Variants in CMYA5 observed in about 807,000 individuals in gnomAD.
The protein encoded by CMYA5 is cardiomyopathy associated 5.
In CMYA5, 246 loss-of-function variants were observed where a neutral mutation model predicts 318.9. The observed-to-expected ratio is 0.77, with a 90% CI of 0.70 to 0.86. The LOEUF (loss-of-function observed/expected upper bound fraction) is 0.86, where lower values mean the gene tolerates loss of function less well. Ranked by LOEUF, CMYA5 falls within the 40% of genes least tolerant of loss-of-function variation. The pLI is 0.00. For synonymous variants in CMYA5, 1,641 were observed against 1,729.5 expected (o/e 0.95, Z 1.27); for missense variants, 4,589 against 4,678.2 (o/e 0.98, Z 0.56).
chr5:79,738,794 A>G lies in CMYA5; in HGVS notation c.10029A>G (p.Glu3343=), dbSNP rs768811999. The G allele has an allele frequency of 1.9e-6, 3 of 1,613,944 alleles. No homozygotes were observed. The South Asian group carries it at 3.3e-5, about 18-fold the overall frequency. ...TQKISYAVPF[E]DTHHVLERAD... ...AAATAAGTTATGCGGTTCCATTTGA[A>G]GACACCCATCATGTTCTGGAGCGTG... Residue 3343 remains glutamate, a synonymous_variant, in exon 2 of 13, where the codon GAA becomes GAG. Transcript: ENST00000446378.
intron 1 of CMYA5, among the ~76,000 whole-genome samples, chr5:79,701,465 A>G (rs906492580): frequency 1.3e-5 from 2 of 152,170 alleles, no homozygotes; most frequent in Non-Finnish European, 2.9e-5. Context: ...GTACTGAGAA[A>G]ATATGTACAG....
At chr5:79,748,025 A>ATTT (rs1185275417) in intron 5 of CMYA5, among the ~76,000 whole-genome samples, 1 of 152,222 alleles carries the variant, frequency 6.6e-6, no homozygotes, top group African/African-American at 2.4e-5. Context: ...GATGAATCCT[A>ATTT]TTTACCTAAA....
chr5:79,790,497 C>T (rs1031975104), intron 10 of CMYA5, among the ~76,000 whole-genome samples: 1 of 152,138 alleles, frequency 6.6e-6, no homozygotes, highest in Non-Finnish European at 1.5e-5. Flanking sequence ...TCTCGAGCTC[C>T]TGACCTTGTG....
chr5:79,766,709 G>C (rs1049428792), intron 9 of CMYA5, among the ~76,000 whole-genome samples: 3 of 152,222 alleles, frequency 2.0e-5, no homozygotes, highest in South Asian at 2.1e-4. Context: ...TGGTTTACCA[G>C]TATTTTATTG....
chr5:79,692,199 C>T (rs1035749631), intron 1 of CMYA5, among the ~76,000 whole-genome samples: 13 of 152,046 alleles, frequency 8.6e-5, no homozygotes, highest in African/African-American at 2.9e-4. Flanking sequence ...TCCATCTCCC[C>T]ACCTCCACCA....
intron 1 of CMYA5, among the ~76,000 whole-genome samples, chr5:79,723,889 G>T (rs1336287618): frequency 6.6e-6 from 1 of 152,074 alleles, no homozygotes; most frequent in Non-Finnish European, 1.5e-5. Context: ...TTATATAAAA[G>T]TATAATGTAT....
chr5:79,794,379 C>T (rs996305970), intron 12 of CMYA5, among the ~76,000 whole-genome samples: 22 of 152,270 alleles, frequency 1.4e-4, no homozygotes, highest in Admixed American at 9.2e-4. Flanking sequence ...GTGAAAAAGC[C>T]GTTAGCCTGT....
chr5:79,711,336 C>T (rs1354417708), intron 1 of CMYA5, among the ~76,000 whole-genome samples: 2 of 152,158 alleles, frequency 1.3e-5, no homozygotes, highest in Admixed American at 1.3e-4. Context: ...TCAGAGGGAT[C>T]AGGCACCCCT....
At chr5:79,798,428 A>G (rs1204442291) in intron 12 of CMYA5, among the ~76,000 whole-genome samples, 1 of 152,106 alleles carries the variant, frequency 6.6e-6, no homozygotes, top group Non-Finnish European at 1.5e-5. Flanking sequence ...GACTACTGGG[A>G]GAAAACCCCA....
intron 1 of CMYA5, among the ~76,000 whole-genome samples, chr5:79,723,443 G>GAAAAAA (rs35720490): frequency 2.6e-4 from 32 of 121,242 alleles, no homozygotes; most frequent in Non-Finnish European, 3.6e-4. Flanking sequence ...CATCTCAAAG[G>GAAAAAA]AAAAAAAAAA....
At position 79,799,639 on chromosome 5, in the gene CMYA5, A is replaced by G; in HGVS notation, c.*23A>G. 1 of 1,593,328 alleles carries G rather than the reference A, an allele frequency of 6.3e-7. No homozygotes were observed. The highest frequency in any genetic ancestry group is 8.6e-7 in the Non-Finnish European group (1 of 1,166,228). On this transcript the variant is annotated 3_prime_UTR_variant, in exon 13 of 13. Transcript: ENST00000446378. ...TGATCCTTGGCTTTCAGAATTTGCA[A>G]GAACAGCGATTTGAATTTTGGGGGG...
In CMYA5 at chr5:79,763,171, G is replaced by A. The variant is rs1407670087; in HGVS notation, c.11517G>A (p.Glu3839=). ...AGGCCACGGAGACCTACACTCTGGA[G>A]TACTGCAGACAGCACTCTCCTGAGG... The part of the protein sequence containing the change: ...TPEATETYTL[E]YCRQHSPEGE... Residue 3839 remains glutamate (E), a synonymous_variant, in exon 9 of 13, where the codon GAG becomes GAA. Coordinates refer to ENST00000446378, the MANE Select transcript of CMYA5 (RefSeq NM_153610.5). 1 of 1,611,704 alleles carries A rather than the reference G, an allele frequency of 6.2e-7. No homozygotes were observed. Among genetic ancestry groups the A allele is most frequent in the Non-Finnish European group, 8.5e-7 (1 of 1,179,304 alleles).
rs572895857 is a variant in CMYA5 at position 79,744,995 on chromosome 5, A to G, written c.10735-227A>G. ...ATATATATTTTGTATTATGGTAGCT[A>G]AAACTTTCTTGATGATACTGTTACA... On this transcript the variant is annotated intron_variant, in intron 3 of 12. Transcript: ENST00000446378. Among the ~76,000 whole-genome samples, 5 of 152,328 alleles carry G rather than the reference A, an allele frequency of 3.3e-5. No individual in the cohort carries two copies. In the East Asian group the frequency reaches 9.6e-4, roughly 29 times the overall value.
chr5:79,760,909 G>T (rs1828638685), intron 7 of CMYA5, among the ~76,000 whole-genome samples: 1 of 152,198 alleles, frequency 6.6e-6, no homozygotes, highest in Admixed American at 6.5e-5. Flanking sequence ...TTGGAAAGGA[G>T]AGAGGCAATT....
chr5:79,708,079 C>T (rs1561629522), intron 1 of CMYA5, among the ~76,000 whole-genome samples: 1 of 152,318 alleles, frequency 6.6e-6, no homozygotes, highest in African/African-American at 2.4e-5. Flanking sequence ...AATACTATCA[C>T]ATTAGTGATT....
intron 1 of CMYA5, among the ~76,000 whole-genome samples, chr5:79,723,931 A>G (rs866159548): frequency 1.3e-5 from 2 of 152,176 alleles, no homozygotes; most frequent in South Asian, 4.1e-4. Flanking sequence ...TCAGGAGTTC[A>G]AGATTGGTTT....
At chr5:79,743,374 G>A (rs138721792) in intron 2 of CMYA5, among the ~76,000 whole-genome samples, 2 of 152,142 alleles carry the variant, frequency 1.3e-5, no homozygotes, top group East Asian at 1.9e-4. Flanking sequence ...TAAATTTCAG[G>A]CCTTGTGGCA....
At chr5:79,699,332 C>A (rs575420407) in intron 1 of CMYA5, among the ~76,000 whole-genome samples, 1 of 152,216 alleles carries the variant, frequency 6.6e-6, no homozygotes, top group African/African-American at 2.4e-5. Context: ...TCTTTATTAT[C>A]CTTGTGCCAA....
chr5:79,744,870 A>G (rs1828285489), intron 3 of CMYA5, among the ~76,000 whole-genome samples: 1 of 152,152 alleles, frequency 6.6e-6, no homozygotes. Flanking sequence ...GGACTGATGC[A>G]TTTCCACCAT....
Sources: allele counts gnomAD v4.1 joint callset (sites outside exome capture counted in the v4.1 genomes callset), GRCh38; gene constraint gnomAD v4.1.1; transcripts MANE v1.5; gene names NCBI Gene and HGNC (gene_info 2026-07-23, HGNC 2026-07-21).